Variants in EML1 observed in about 807,000 individuals in gnomAD.
EML1 encodes EMAP like 1, also known as echinoderm microtubule-associated protein-like 1.
In EML1, 27 loss-of-function variants were observed where a neutral mutation model predicts 110.4. The ratio of observed to expected loss-of-function variants is 0.24; its 90% confidence interval spans 0.18 to 0.34. The LOEUF (loss-of-function observed/expected upper bound fraction) is 0.34, where lower values mean the gene tolerates loss of function less well. Among genes scored for constraint, EML1 ranks in the 10% least tolerant of loss-of-function variants. The probability of loss-of-function intolerance (pLI) is 1.00; values close to 1 mark genes in which losing one functional copy is unlikely to be tolerated. For missense variants in EML1, 741 were observed against 1,030.9 expected (o/e 0.72, Z 3.85); for synonymous variants, 344 against 385.8 (o/e 0.89, Z 1.27).
upstream of EML1, among the ~76,000 whole-genome samples, chr14:99,768,695 T>C (rs1447011949): frequency 6.7e-6 from 1 of 149,634 alleles, no homozygotes; most frequent in African/African-American, 2.5e-5. Context: ...ATTCCAACAA[T>C]CCCCAGGGCT....
intron 1 of EML1, among the ~76,000 whole-genome samples, chr14:99,786,061 C>CAAAA (rs56240053): frequency 8.5e-4 from 102 of 120,372 alleles, no homozygotes; most frequent in African/African-American, 2.9e-3. Flanking sequence ...CCTGGCTGCT[C>CAAAA]AAAAAAAAAA....
At position 99,862,556 on chromosome 14, in the gene EML1, A is replaced by C. The variant is rs192256491; in HGVS notation, c.251-2958A>C. Among the ~76,000 whole-genome samples the C allele has an allele frequency of 2.4e-3, 366 of 152,334 alleles. 1 individual carries two copies. Among genetic ancestry groups the C allele is most frequent in the African/African-American group, 7.7e-3 (322 of 41,570 alleles). On this transcript the variant is annotated intron_variant, in intron 2 of 21. Transcript: ENST00000262233. ...ATCATTTATTTATATATACTGTAGCATAAACTTACAGATACTCGTTGTGTA... is the reference window on the plus strand; with the variant it reads ...ATCATTTATTTATATATACTGTAGCCTAAACTTACAGATACTCGTTGTGTA...
chr14:99,897,418 T>G, intron 7 of EML1, 124 bp downstream of exon 7: 1 of 995,310 alleles, frequency 1.0e-6, no homozygotes, highest in South Asian at 2.2e-5. Flanking sequence ...AATAAATAAA[T>G]AAATGTGATT....
intron 16 of EML1, among the ~76,000 whole-genome samples, chr14:99,920,305 C>T (rs1235351522): frequency 6.6e-6 from 1 of 152,200 alleles, no homozygotes; most frequent in East Asian, 1.9e-4. Flanking sequence ...CTAGCATCCC[C>T]ATAAGGCCTG....
upstream of EML1, among the ~76,000 whole-genome samples, chr14:99,791,831 TG>T (rs555028048): frequency 2.0e-5 from 3 of 152,340 alleles, no homozygotes; most frequent in African/African-American, 7.2e-5. Context: ...CTGCAGCTCT[TG>T]GGGCCTCTCT....
At chr14:99,860,608 C>T (rs1030249849) in intron 2 of EML1, among the ~76,000 whole-genome samples, 1 of 152,116 alleles carries the variant, frequency 6.6e-6, no homozygotes, top group South Asian at 2.1e-4. Flanking sequence ...AGAAACCTGG[C>T]GTGATGGCAT....
chr14:99,817,135 C>T (rs2058181726), intron 1 of EML1, among the ~76,000 whole-genome samples: 1 of 152,180 alleles, frequency 6.6e-6, no homozygotes, highest in Non-Finnish European at 1.5e-5. Context: ...TCCTTGGCAG[C>T]AAATGCTGTT....
chr14:99,908,527 A>G (rs1272292246), intron 10 of EML1, among the ~76,000 whole-genome samples: 1 of 152,152 alleles, frequency 6.6e-6, no homozygotes, highest in Non-Finnish European at 1.5e-5. Context: ...ACCTTCTGAT[A>G]TTCTGGGCAG....
At chr14:99,878,727 C>T (rs1298937118) in intron 4 of EML1, 108 bp downstream of exon 4, 32 of 1,459,006 alleles carry the variant, frequency 2.2e-5, no homozygotes, top group Admixed American at 2.4e-5. Flanking sequence ...TGGGAGTACT[C>T]TTGGAGAAGA....
In EML1 at chr14:99,851,000, A is replaced by G. The variant is rs1381819014; in HGVS notation, c.215A>G (p.Gln72Arg). 5.6e-6 allele frequency: 9 copies of G among 1,614,036 alleles called. No individual in the cohort carries two copies. Residue 72 changes from glutamine to arginine, a missense_variant, in exon 2 of 22, where the codon CAG (glutamine) becomes CGG (arginine). Gln to Arg is a conservative substitution (Grantham distance 43). Transcript: ENST00000262233. The part of the protein sequence containing the change: ...VVRRLNITEE[Q>R]QAVLNRKGPT... ...CGGCGGCTGAACATTACTGAGGAAC[A>G]GCAGGCCGTGCTTAACAGGAAAGGA...
upstream of EML1, among the ~76,000 whole-genome samples, chr14:99,768,372 G>A (rs1014222589): frequency 1.3e-5 from 2 of 152,204 alleles, no homozygotes; most frequent in East Asian, 3.8e-4. Context: ...CTGAGCTGGG[G>A]TGGTGACGTC....
At chr14:99,770,201 C>T (rs1040811239), upstream of EML1, among the ~76,000 whole-genome samples, 1 of 152,120 alleles carries the variant, frequency 6.6e-6, no homozygotes, top group African/African-American at 2.4e-5. Flanking sequence ...AAACAAGAGA[C>T]ATTTATTGCT....
rs1283726479 is a variant in EML1 at position 99,781,171 on chromosome 14, C to T, written c.-27+7158C>T. ...TCCCTTCTCCTTGACTCGTCCCCAG[C>T]TTCTAATTCTTTCCTCTAATTCTTT... On this transcript the variant is annotated intron_variant, in intron 1 of 22. Coordinates refer to the EML1 transcript ENST00000327921. This position sits in a 1 kb window ranked among gnomAD's most constrained non-coding sequence, Gnocchi z 4.2. Among the ~76,000 whole-genome samples the T allele has an allele frequency of 6.6e-6, 1 of 152,042 alleles. No homozygotes were observed. The highest frequency in any genetic ancestry group is 1.5e-5 in the Non-Finnish European group (1 of 68,014).
At chr14:99,870,895 A>G (rs1184402274) in intron 3 of EML1, among the ~76,000 whole-genome samples, 1 of 152,196 alleles carries the variant, frequency 6.6e-6, no homozygotes, top group Non-Finnish European at 1.5e-5. Context: ...GGCTCACACA[A>G]CACGCATTCT....
At chr14:99,831,438 C>A (rs1363946001) in intron 1 of EML1, among the ~76,000 whole-genome samples, 1 of 152,190 alleles carries the variant, frequency 6.6e-6, no homozygotes. Context: ...TGGCATCACT[C>A]CTGTTGCTCC....
intron 17 of EML1, among the ~76,000 whole-genome samples, chr14:99,921,349 T>C (rs1427504055): frequency 1.3e-5 from 2 of 152,198 alleles, no homozygotes; most frequent in Non-Finnish European, 2.9e-5. Flanking sequence ...TGATTCTGTG[T>C]CTTTGCTATT....
rs1013615242 is a variant in EML1 at position 99,763,453 on chromosome 14, C to A, written c.28+25593C>A. The stretch of plus-strand genomic sequence containing the variant: ...ATAGCAGCACACTCAGGCACCTTCA[C>A]AAGGTATTTGGTACCTTCACAAGGT... On this transcript the variant is annotated intron_variant, in intron 1 of 10. Coordinates refer to the EML1 transcript ENST00000554479. Among the ~76,000 whole-genome samples, 24 of 152,158 alleles carry A rather than the reference C, an allele frequency of 1.6e-4. 1 individual carries two copies. The highest frequency in any genetic ancestry group is 1.6e-4 in the Non-Finnish European group (11 of 68,030).
chr14:99,781,177 A>G lies in EML1; in HGVS notation c.-27+7164A>G, dbSNP rs967752401. Among the ~76,000 whole-genome samples, 3 of 151,308 alleles carry G rather than the reference A, an allele frequency of 2.0e-5. No homozygotes were observed. Among genetic ancestry groups the G allele is most frequent in the Non-Finnish European group, 4.4e-5 (3 of 67,858 alleles). ...CTCCTTGACTCGTCCCCAGCTTCTA[A>G]TTCTTTCCTCTAATTCTTTCCTCCT... On this transcript the variant is annotated intron_variant, in intron 1 of 22. Transcript: ENST00000327921. This position sits in a 1 kb window ranked among gnomAD's most constrained non-coding sequence, Gnocchi z 4.2.
chr14:99,741,296 C>T (rs1010886976), intron 1 of EML1, among the ~76,000 whole-genome samples: 5 of 152,150 alleles, frequency 3.3e-5, no homozygotes, highest in African/African-American at 1.2e-4. Context: ...CTCTGGGCCA[C>T]AGTCACCCTG....
Sources: gnomAD v4.1 joint callset for allele counts (sites outside exome capture counted in the v4.1 genomes callset) on GRCh38, gnomAD v4.1.1 for gene constraint, Gnocchi (gnomAD v3.1) non-coding constraint, MANE v1.5 for transcripts, NCBI Gene and HGNC (gene_info 2026-07-23, HGNC 2026-07-21) for gene names.